Variants in SNTG1 observed in about 807,000 individuals in gnomAD.
SNTG1 encodes the protein syntrophin gamma 1.
Under a neutral mutation model 74.7 loss-of-function variants are expected in SNTG1, and 39 were observed. That is an observed-to-expected ratio of 0.52 (90% CI 0.40 to 0.68). SNTG1 has a LOEUF of 0.68. SNTG1 is among the 30% of genes least tolerant of loss of function. The pLI, the probability that SNTG1 is intolerant of heterozygous loss-of-function variation, is 0.00. For missense variants in SNTG1, 685 were observed against 609.5 expected (o/e 1.12, Z -1.30); for synonymous variants, 254 against 217.1 (o/e 1.17, Z -1.49).
chr8:50,012,278 T>C (rs1815887575), intron 1 of SNTG1, among the ~76,000 whole-genome samples: 1 of 152,180 alleles, frequency 6.6e-6, no homozygotes, highest in Admixed American at 6.5e-5. Flanking sequence ...TGAGGTGGTT[T>C]ATTTTACTAC....
intron 1 of SNTG1, among the ~76,000 whole-genome samples, chr8:50,107,067 A>G (rs909744340): frequency 6.6e-6 from 1 of 152,162 alleles, no homozygotes; most frequent in Non-Finnish European, 1.5e-5. Flanking sequence ...CAATTAAGAG[A>G]CTTTCCAGTC....
chr8:50,006,510 A>C (rs1258634069), intron 1 of SNTG1, among the ~76,000 whole-genome samples: 1 of 152,136 alleles, frequency 6.6e-6, no homozygotes, highest in Non-Finnish European at 1.5e-5. Context: ...CTTTTGGCTT[A>C]TTATGTTTCA....
chr8:49,925,803 C>T (rs1291747973), intron 1 of SNTG1, among the ~76,000 whole-genome samples: 1 of 152,106 alleles, frequency 6.6e-6, no homozygotes, highest in African/African-American at 2.4e-5. Context: ...GGTATTCCAG[C>T]TTTTCCAATC....
At chr8:50,082,188 T>C (rs1822472483) in intron 1 of SNTG1, among the ~76,000 whole-genome samples, 1 of 152,188 alleles carries the variant, frequency 6.6e-6, no homozygotes, top group Non-Finnish European at 1.5e-5. Context: ...ATTATTTAGC[T>C]ATGATTTTCT....
At chr8:50,291,159 G>T (rs2089078992) in intron 2 of SNTG1, among the ~76,000 whole-genome samples, 1 of 152,020 alleles carries the variant, frequency 6.6e-6, no homozygotes, top group South Asian at 2.1e-4. Flanking sequence ...GAGAACAAAA[G>T]ACATAAGGTC....
chr8:50,667,063 A>G (rs996660294), intron 15 of SNTG1, among the ~76,000 whole-genome samples: 5 of 151,956 alleles, frequency 3.3e-5, no homozygotes, highest in Non-Finnish European at 7.4e-5. Flanking sequence ...AAGCAAAATA[A>G]ATCAATATAC....
intron 2 of SNTG1, among the ~76,000 whole-genome samples, chr8:50,352,250 A>C (rs1217421263): frequency 6.6e-6 from 1 of 152,208 alleles, no homozygotes. Context: ...AATTTTCAGA[A>C]CAGAGTTGAA....
intron 1 of SNTG1, among the ~76,000 whole-genome samples, chr8:49,960,807 C>A (rs532240098): frequency 6.6e-6 from 1 of 152,170 alleles, no homozygotes; most frequent in South Asian, 2.1e-4. Context: ...CAGATAGAGA[C>A]AATAGATGCA....
At chr8:49,925,886 T>C (rs1806977360) in intron 1 of SNTG1, among the ~76,000 whole-genome samples, 1 of 152,222 alleles carries the variant, frequency 6.6e-6, no homozygotes. Flanking sequence ...AAAGGTGCTA[T>C]GAATATTCAT....
chr8:50,010,697 G>A lies in SNTG1; in HGVS notation c.-103+98466G>A, dbSNP rs564571652. On this transcript the variant is annotated intron_variant, in intron 1 of 18. Transcript: ENST00000642720. ...AAAAATTCTTACTAAAAACATCCCC[G>A]TAGGTATACTCAGAATATTTAAGAG... is the stretch of plus-strand genomic sequence containing the variant. Among the ~76,000 whole-genome samples the A allele has an allele frequency of 6.1e-4, 92 of 150,652 alleles. 1 individual carries two copies. The highest frequency in any genetic ancestry group is 2.1e-4 in the South Asian group (1 of 4,770).
chr8:50,371,467 G>A (rs1485756811), intron 2 of SNTG1, among the ~76,000 whole-genome samples: 1 of 152,144 alleles, frequency 6.6e-6, no homozygotes, highest in Non-Finnish European at 1.5e-5. Context: ...CAGTTGGCAG[G>A]GAAAGAGAAG....
chr8:50,031,276 C>A (rs1034690278), intron 1 of SNTG1, among the ~76,000 whole-genome samples: 1 of 151,960 alleles, frequency 6.6e-6, no homozygotes, highest in African/African-American at 2.4e-5. Context: ...ATCACCATGT[C>A]ATCTACAAAT....
At chr8:50,120,102 T>G (rs1228763291) in intron 1 of SNTG1, among the ~76,000 whole-genome samples, 1 of 141,722 alleles carries the variant, frequency 7.1e-6, no homozygotes, top group East Asian at 2.0e-4. Flanking sequence ...ACATCTGTCT[T>G]GTTATTTTTG....
At chr8:50,701,533 A>G (rs568610952) in intron 15 of SNTG1, among the ~76,000 whole-genome samples, 26 of 149,418 alleles carry the variant, frequency 1.7e-4, no homozygotes, top group African/African-American at 6.3e-4. Flanking sequence ...TTTACTTCCT[A>G]GAGAACATTT....
intron 1 of SNTG1, among the ~76,000 whole-genome samples, chr8:49,948,037 A>T (rs537335967): frequency 6.6e-6 from 1 of 152,198 alleles, no homozygotes; most frequent in East Asian, 1.9e-4. Flanking sequence ...AAACTGAGGC[A>T]GGAGACTTGC....
At chr8:50,330,650 G>A (rs2090926999) in intron 2 of SNTG1, among the ~76,000 whole-genome samples, 1 of 152,124 alleles carries the variant, frequency 6.6e-6, no homozygotes, top group Non-Finnish European at 1.5e-5. Context: ...AAATACCTGA[G>A]ACTGGGTAAT....
intron 9 of SNTG1, among the ~76,000 whole-genome samples, chr8:50,525,830 T>C (rs1383378794): frequency 8.2e-6 from 1 of 122,540 alleles, no homozygotes; most frequent in Non-Finnish European, 1.5e-5. Context: ...TTTTTAAAGA[T>C]AATTTACAGA....
intron 1 of SNTG1, among the ~76,000 whole-genome samples, chr8:49,952,568 G>A (rs1340938111): frequency 2.0e-5 from 3 of 152,180 alleles, no homozygotes; most frequent in Non-Finnish European, 2.9e-5. Flanking sequence ...GTAGGCTGAG[G>A]GTTTAAGGAG....
intron 2 of SNTG1, among the ~76,000 whole-genome samples, chr8:50,360,588 G>C (rs1314862097): frequency 1.3e-5 from 2 of 152,084 alleles, no homozygotes; most frequent in Non-Finnish European, 2.9e-5. Flanking sequence ...CACATACTTG[G>C]GAGTTATAAA....
Sources: allele counts gnomAD v4.1 joint callset (sites outside exome capture counted in the v4.1 genomes callset), GRCh38; gene constraint gnomAD v4.1.1; transcripts MANE v1.5; gene names NCBI Gene and HGNC (gene_info 2026-07-23, HGNC 2026-07-21).